PUM3: variants seen among roughly 807,000 people sequenced by gnomAD.
PUM3 encodes the protein pumilio RNA binding family member 3, also known as pumilio homolog 3.
Under a neutral mutation model 84.0 loss-of-function variants are expected in PUM3, and 91 were observed. The ratio of observed to expected loss-of-function variants is 1.08; its 90% confidence interval spans 0.91 to 1.29. The LOEUF (loss-of-function observed/expected upper bound fraction) is 1.29. PUM3 is among the 50% of genes most tolerant of loss of function. The pLI is 0.00. For missense variants in PUM3, 1,067 were observed against 767.5 expected (o/e 1.39, Z -4.61); for synonymous variants, 321 against 266.7 (o/e 1.20, Z -1.98).
At chr9:2,840,691 G>A (rs1051139229) in intron 1 of PUM3, among the ~76,000 whole-genome samples, 2 of 152,164 alleles carry the variant, frequency 1.3e-5, no homozygotes, top group Non-Finnish European at 2.9e-5. Context: ...CAGCCAGGGG[G>A]AAGTTTCTCA....
At chr9:2,844,004 GA>G (rs1816340519) in intron 1 of PUM3, 40 bp downstream of exon 1, 1 of 154,254 alleles carries the variant, frequency 6.5e-6, no homozygotes, top group African/African-American at 2.4e-5. Flanking sequence ...GGCAGGGTGC[GA>G]ACCCCTCCCA....
At chr9:2,808,849 T>C (rs1821312145) in intron 16 of PUM3, among the ~76,000 whole-genome samples, 1 of 152,210 alleles carries the variant, frequency 6.6e-6, no homozygotes, top group African/African-American at 2.4e-5. Context: ...TGTGATTGAC[T>C]TGACCAAGAC....
At chr9:2,805,286 C>CT (rs1265087634) in intron 17 of PUM3, among the ~76,000 whole-genome samples, 21 of 152,188 alleles carry the variant, frequency 1.4e-4, no homozygotes, top group African/African-American at 5.1e-4. Flanking sequence ...CCCGAGTACT[C>CT]TATCAGAAGT....
rs766173729 is a variant in PUM3 at position 2,833,408 on chromosome 9, T to C, written c.465A>G (p.Arg155=). 5.0e-6 allele frequency: 8 copies of C among 1,586,876 alleles called. No individual in the cohort carries two copies. Among genetic ancestry groups the C allele is most frequent in the Non-Finnish European group, 6.0e-6 (7 of 1,158,242 alleles). Residue 155 remains arginine, a synonymous_variant, in exon 5 of 18, where the codon AGA becomes AGG. Coordinates refer to ENST00000397885, the MANE Select transcript of PUM3 (RefSeq NM_014878.5). ...TCTGCAAATCACTCATTAACTTTAC[T>C]CTTTTTTCTTTGTCACAGTCTTTTC... ...LRRKDCDKEK[R]VKLMSDLQKL...
Position 2,823,624 on chromosome 9 carries a change from G to C in PUM3, c.1188+157C>G, listed in dbSNP as rs879083270. Among the ~76,000 whole-genome samples, 25 of 152,106 alleles carry C rather than the reference G, an allele frequency of 1.6e-4. No individual in the cohort carries two copies. In the South Asian group the frequency reaches 2.7e-3, roughly 16 times the overall value. On this transcript the variant is annotated intron_variant, in intron 12 of 17. Coordinates refer to ENST00000397885, the MANE Select transcript of PUM3 (RefSeq NM_014878.5). ...TGTGACATGATTTCCATTTTGTGTA[G>C]ATAAAATATGAAAATACATGTAGAT...
chr9:2,804,374 G>A lies in PUM3; in HGVS notation c.1904C>T (p.Thr635Ile), dbSNP rs1312284409. ...LIPTLEKTKS[T>I]SKGIEILLEK... ...AAGTAGAATTTCTATTCCTTTGCTG[G>A]TGCTTTTGGTTTTTTCCAATGTAGG... is the stretch of plus-strand genomic sequence containing the variant. Residue 635 changes from threonine (T) to isoleucine (I), a missense_variant, in exon 18 of 18, where the codon ACC (threonine) becomes ATC (isoleucine). Transcript: ENST00000397885. 6.2e-7 allele frequency: 1 copy of A among 1,613,420 alleles called. No individual in the cohort carries two copies. The highest frequency in any genetic ancestry group is 8.5e-7 in the Non-Finnish European group (1 of 1,179,800).
intron 13 of PUM3, among the ~76,000 whole-genome samples, chr9:2,815,466 T>G (rs991318007): frequency 2.0e-5 from 3 of 152,184 alleles, no homozygotes; most frequent in African/African-American, 4.8e-5. Context: ...TAAGGCATAG[T>G]TGATTTTGTG....
chr9:2,828,336 T>C, intron 9 of PUM3: 1 of 211,064 alleles, frequency 4.7e-6, no homozygotes, highest in Non-Finnish European at 9.3e-6. Context: ...CCACTGTACC[T>C]TGCCTACAAC....
At position 2,823,834 on chromosome 9, in the gene PUM3, C is replaced by T. The variant is rs1815734149; in HGVS notation, c.1135G>A (p.Asp379Asn). 11 of 1,518,112 alleles carry T rather than the reference C, an allele frequency of 7.2e-6. No individual in the cohort carries two copies. Among genetic ancestry groups the T allele is most frequent in the Non-Finnish European group, 9.9e-6 (11 of 1,114,100 alleles). 94.0% of individuals were successfully genotyped at this position (1,518,112 alleles called of 1,614,324 possible). A position where few individuals can be genotyped will look rare whatever the true frequency, so the allele number is the denominator to read the frequency against. ...MHCLWHGTPKDRKVIVKTMKT... is the reference protein window; with the variant it reads ...MHCLWHGTPKNRKVIVKTMKT... ...ATTGTTTTCACAATCACTTTCCTGT[C>T]CTTAAAAAGGAAAGATTGTCTCACT... The change falls in exon 12 of 18, where the codon GAC becomes AAC. Residue 379 changes from aspartate to asparagine, a missense_variant and splice_region_variant. Transcript: ENST00000397885.
chr9:2,828,430 T>C, intron 9 of PUM3: 1 of 389,828 alleles, frequency 2.6e-6, no homozygotes, highest in Non-Finnish European at 4.6e-6. Flanking sequence ...AAAGAATGTT[T>C]CATTGCTTAA....
intron 12 of PUM3, among the ~76,000 whole-genome samples, chr9:2,820,372 A>T (rs866350393): frequency 7.9e-5 from 12 of 152,110 alleles, no homozygotes; most frequent in African/African-American, 2.9e-4. Context: ...ATAGTCTAAA[A>T]CTAATACCTA....
At chr9:2,832,341 G>T (rs1816005466) in intron 5 of PUM3, among the ~76,000 whole-genome samples, 1 of 152,128 alleles carries the variant, frequency 6.6e-6, no homozygotes, top group Non-Finnish European at 1.5e-5. Flanking sequence ...GTTATGAGAA[G>T]GAACTCGCTA....
intron 13 of PUM3, among the ~76,000 whole-genome samples, chr9:2,814,758 A>G (rs1041005279): frequency 6.6e-6 from 1 of 151,544 alleles, no homozygotes; most frequent in Non-Finnish European, 1.5e-5. Flanking sequence ...CCCTTAACAA[A>G]ATGACTCTGA....
intron 17 of PUM3, 37 bp downstream of exon 17, chr9:2,807,777 C>G (rs762857050): frequency 3.8e-6 from 5 of 1,328,998 alleles, no homozygotes; most frequent in African/African-American, 1.4e-5. Context: ...TTTGCATGAC[C>G]AGGCCCTGCT....
rs142138344 is a variant in PUM3, at chr9:2,833,866, C to T, written c.440+165G>A. ...ATAATGATTCTACACACTTCTGTGA[C>T]GGGCAGACTTCCAAGTACTGATGTC... On this transcript the variant is annotated intron_variant, in intron 4 of 17. Transcript: ENST00000397885. 3.0e-4 allele frequency among the ~76,000 whole-genome samples: 45 copies of T among 152,302 alleles called. 1 individual carries two copies. The East Asian group carries it at 4.8e-3, about 16-fold the overall frequency.
chr9:2,839,410 G>T (rs933084924), intron 1 of PUM3, among the ~76,000 whole-genome samples: 2 of 152,160 alleles, frequency 1.3e-5, no homozygotes, highest in African/African-American at 2.4e-5. Flanking sequence ...TACCATAAGA[G>T]AAAAGAAGGG....
chr9:2,834,046 C>T lies in PUM3; in HGVS notation c.425G>A (p.Trp142Ter). 4 of 1,613,200 alleles carry T rather than the reference C, an allele frequency of 2.5e-6. No individual in the cohort carries two copies. Among genetic ancestry groups the T allele is most frequent in the Non-Finnish European group, 3.4e-6 (4 of 1,179,602 alleles). Residue 142 changes from tryptophan to a stop codon, truncating the protein, a stop_gained, in exon 4 of 18, where the codon TGG becomes TAG. Coordinates refer to ENST00000397885, the MANE Select transcript of PUM3 (RefSeq NM_014878.5). LOFTEE classifies it high-confidence loss of function. ...YDIVVRAKQM[W>*]EILRRKDCDK... ...GTAGAATTACCTTCTTAAAATCTCC[C>T]ACATCTGCTTTGCCCGAACAACAAT...
intron 13 of PUM3, among the ~76,000 whole-genome samples, chr9:2,814,863 T>G (rs1016105851): frequency 1.3e-5 from 2 of 152,192 alleles, no homozygotes; most frequent in Non-Finnish European, 2.9e-5. Context: ...TAATGGCTAC[T>G]CTACACTTTT....
At position 2,833,428 on chromosome 9, in the gene PUM3, C is replaced by G. The variant is rs1282462460; in HGVS notation, c.445G>C (p.Asp149His). ...TTTACTCTTTTTTCTTTGTCACAGT[C>G]TTTTCTACAAATGAGGAGAGGAAGG... ...KQMWEILRRK[D>H]CDKEKRVKLM... Residue 149 changes from aspartate to histidine, a missense_variant, in exon 5 of 18, where the codon GAC becomes CAC. By Grantham distance (81) the Asp-to-His change is moderately conservative. Coordinates refer to ENST00000397885, the MANE Select transcript of PUM3 (RefSeq NM_014878.5). The G allele has an allele frequency of 1.3e-6, 2 of 1,557,646 alleles. No individual in the cohort carries two copies. Among genetic ancestry groups the G allele is most frequent in the Non-Finnish European group, 1.8e-6 (2 of 1,134,100 alleles).
Sources: allele counts gnomAD v4.1 joint callset (sites outside exome capture counted in the v4.1 genomes callset), GRCh38; gene constraint gnomAD v4.1.1; transcripts MANE v1.5; gene names NCBI Gene and HGNC (gene_info 2026-07-23, HGNC 2026-07-21).